Variants in DPP6 observed in about 807,000 individuals in gnomAD.
The protein encoded by DPP6 is dipeptidyl peptidase like 6, also known as A-type potassium channel modulatory protein DPP6.
A neutral mutation model predicts 122.6 loss-of-function variants in DPP6; 69 were observed. That is an observed-to-expected ratio of 0.56 (90% CI 0.46 to 0.69). The LOEUF (loss-of-function observed/expected upper bound fraction) is 0.69, where lower values mean the gene tolerates loss of function less well. DPP6 is among the 30% of genes least tolerant of loss of function. The pLI is 0.00. For synonymous variants in DPP6, 418 were observed against 433.1 expected (o/e 0.97, Z 0.43); for missense variants, 928 against 1,116.9 (o/e 0.83, Z 2.41).
intron 1 of DPP6, among the ~76,000 whole-genome samples, chr7:154,204,887 A>G (rs889305370): frequency 6.6e-6 from 1 of 152,166 alleles, no homozygotes; most frequent in African/African-American, 2.4e-5. Context: ...ATATACAGTT[A>G]TAACCATTGT....
intron 1 of DPP6, among the ~76,000 whole-genome samples, chr7:154,310,083 G>A (rs1263159675): frequency 6.6e-6 from 1 of 152,206 alleles, no homozygotes; most frequent in African/African-American, 2.4e-5. Flanking sequence ...GATGTGTGAA[G>A]GATTTGAGGA....
chr7:154,832,607 G>T (rs1163380185), intron 16 of DPP6, among the ~76,000 whole-genome samples: 2 of 152,168 alleles, frequency 1.3e-5, no homozygotes, highest in African/African-American at 4.8e-5. Context: ...CCACACAAGA[G>T]CCAGAGTTCC....
At chr7:154,369,891 G>T (rs1812496965) in intron 1 of DPP6, among the ~76,000 whole-genome samples, 1 of 152,042 alleles carries the variant, frequency 6.6e-6, no homozygotes, top group Non-Finnish European at 1.5e-5. Flanking sequence ...ATGTCCACCA[G>T]GTGTTTATTC....
intron 1 of DPP6, among the ~76,000 whole-genome samples, chr7:154,015,817 T>C (rs928973582): frequency 6.6e-6 from 1 of 151,760 alleles, no homozygotes; most frequent in East Asian, 1.9e-4. Flanking sequence ...CTGCTTCCAC[T>C]CCCCCTCCCA....
At chr7:154,751,726 C>T (rs1427432996) in intron 8 of DPP6, among the ~76,000 whole-genome samples, 2 of 152,128 alleles carry the variant, frequency 1.3e-5, no homozygotes, top group Non-Finnish European at 2.9e-5. Flanking sequence ...AACATCGACG[C>T]GGGCCCATGT....
At position 154,082,846 on chromosome 7, in the gene DPP6, C is replaced by CTTTT. The variant is rs1174987723; in HGVS notation, c.243+29800_243+29803dup. The stretch of plus-strand genomic sequence containing the variant: ...CTGTGTGTGCCTATCTTTTCTTTTT[C>CTTTT]TTTTTTTTTTTTTTTTTTTTGAGAT... On this transcript the variant is annotated intron_variant, in intron 1 of 25. Coordinates refer to ENST00000377770, the MANE Select transcript of DPP6 (RefSeq NM_130797.4). 3.6e-4 allele frequency among the ~76,000 whole-genome samples: 38 copies of CTTTT among 106,212 alleles called. 1 individual carries two copies. The highest frequency in any genetic ancestry group is 5.0e-4 in the Non-Finnish European group (27 of 53,868). 69.7% of individuals were successfully genotyped at this position (106,212 alleles called of 152,430 possible).
At chr7:154,246,935 C>T (rs958413991) in intron 1 of DPP6, among the ~76,000 whole-genome samples, 32 of 152,120 alleles carry the variant, frequency 2.1e-4, no homozygotes, top group African/African-American at 7.2e-4. Flanking sequence ...CAAGTAGAAC[C>T]GAAAAAGTTC....
intron 16 of DPP6, among the ~76,000 whole-genome samples, chr7:154,845,931 A>C (rs1272529849): frequency 6.6e-6 from 1 of 152,086 alleles, no homozygotes; most frequent in East Asian, 1.9e-4. Flanking sequence ...CTCTGTGGAG[A>C]TACAGACTCA....
At chr7:154,686,913 C>G (rs1430789931) in intron 7 of DPP6, among the ~76,000 whole-genome samples, 1 of 152,160 alleles carries the variant, frequency 6.6e-6, no homozygotes, top group Non-Finnish European at 1.5e-5. Context: ...ATGCCCAGAG[C>G]TCGGACTCCA....
At chr7:154,712,202 C>T (rs1285471243) in intron 7 of DPP6, among the ~76,000 whole-genome samples, 1 of 152,114 alleles carries the variant, frequency 6.6e-6, no homozygotes. Flanking sequence ...TCAAGGAAAA[C>T]AGTTTCTGGG....
chr7:154,631,286 G>T (rs1835392386), intron 5 of DPP6, among the ~76,000 whole-genome samples: 1 of 152,206 alleles, frequency 6.6e-6, no homozygotes, highest in African/African-American at 2.4e-5. Flanking sequence ...GGGGCAGGAG[G>T]CGAAGGAGAG....
At chr7:154,419,324 G>A (rs899686503) in intron 1 of DPP6, among the ~76,000 whole-genome samples, 3 of 152,190 alleles carry the variant, frequency 2.0e-5, no homozygotes, top group African/African-American at 7.2e-5. Flanking sequence ...TTTTAGACAT[G>A]ATGGGTATGC....
chr7:153,815,111 C>CA, the DPP6 span, among the ~76,000 whole-genome samples: 1 of 151,942 alleles, frequency 6.6e-6, no homozygotes, highest in Admixed American at 6.6e-5. Context: ...CTGGCCAGGG[C>CA]AATTAGGCAG....
intron 1 of DPP6, among the ~76,000 whole-genome samples, chr7:154,212,518 T>G (rs979605333): frequency 1.3e-5 from 2 of 152,174 alleles, no homozygotes; most frequent in Non-Finnish European, 2.9e-5. Flanking sequence ...ATTCCAGTGC[T>G]GGGGGTCCCT....
chr7:154,884,615 AC>A (rs1458515699), intron 21 of DPP6: 1 of 151,482 alleles, frequency 6.6e-6, no homozygotes, highest in Non-Finnish European at 1.5e-5. Context: ...GATTACATAC[AC>A]ATGCTCACAC....
In DPP6 at chr7:154,875,066, C is replaced by T. The variant is rs919883961; in HGVS notation, c.1884-840C>T. Reference sequence around the variant, plus strand: ...AGTGAACCAAGATTGTGCCACTGCACTCCAGCCTGGCCGACAGAGTGAGAC... The same window carrying T: ...AGTGAACCAAGATTGTGCCACTGCATTCCAGCCTGGCCGACAGAGTGAGAC... On this transcript the variant is annotated intron_variant, in intron 19 of 25. Coordinates refer to ENST00000377770, the MANE Select transcript of DPP6 (RefSeq NM_130797.4). The surrounding 1 kb of genome is among the most constrained non-coding windows in gnomAD (Gnocchi z 4.5). Among the ~76,000 whole-genome samples the T allele has an allele frequency of 9.3e-5, 14 of 151,138 alleles. No homozygotes were observed. The highest frequency in any genetic ancestry group is 8.5e-4 in the Admixed American group (13 of 15,210).
chr7:154,814,638 G>A (rs769415205), intron 16 of DPP6, among the ~76,000 whole-genome samples: 3 of 152,160 alleles, frequency 2.0e-5, no homozygotes, highest in Non-Finnish European at 4.4e-5. Context: ...CAATCTGGAT[G>A]GTTTAAACCA....
chr7:154,123,966 T>C (rs1314060997), intron 1 of DPP6, among the ~76,000 whole-genome samples: 2 of 151,664 alleles, frequency 1.3e-5, no homozygotes, highest in Non-Finnish European at 2.9e-5. Flanking sequence ...TGCCACCCAC[T>C]CACTATGATT....
intron 1 of DPP6, among the ~76,000 whole-genome samples, chr7:153,997,593 G>GCGCACACACA (rs1554430189): frequency 1.4e-5 from 2 of 145,982 alleles, no homozygotes; most frequent in Non-Finnish European, 3.0e-5. Context: ...TGAGTGCACA[G>GCGCACACACA]CACACACACA....
Sources: gnomAD v4.1 joint callset for allele counts (sites outside exome capture counted in the v4.1 genomes callset) on GRCh38, gnomAD v4.1.1 for gene constraint, Gnocchi (gnomAD v3.1) non-coding constraint, MANE v1.5 for transcripts, NCBI Gene and HGNC (gene_info 2026-07-23, HGNC 2026-07-21) for gene names.